PPM1E: variants seen among roughly 807,000 people sequenced by gnomAD.
PPM1E encodes the protein protein phosphatase, Mg2+/Mn2+ dependent 1E.
In PPM1E, 20 loss-of-function variants were observed where a neutral mutation model predicts 65.9. The observed-to-expected ratio is 0.30, with a 90% CI of 0.21 to 0.44. PPM1E has a LOEUF of 0.44. PPM1E is among the 20% of genes least tolerant of loss of function. The probability of loss-of-function intolerance (pLI) is 1.00; values close to 1 mark genes in which losing one functional copy is unlikely to be tolerated. For missense variants in PPM1E, 713 were observed against 953.1 expected (o/e 0.75, Z 3.32); for synonymous variants, 352 against 374.9 (o/e 0.94, Z 0.70).
chr17:58,977,314 G>A (rs1040694983), intron 6 of PPM1E, among the ~76,000 whole-genome samples: 26 of 151,792 alleles, frequency 1.7e-4, no homozygotes, highest in Admixed American at 1.1e-3. Flanking sequence ...ATTGTGGTGC[G>A]TGCCTGTAAT....
Position 58,975,239 on chromosome 17 carries a change from T to C in PPM1E, c.1210+2314T>C, listed in dbSNP as rs1265967712. Among the ~76,000 whole-genome samples the C allele has an allele frequency of 2.6e-5, 4 of 152,380 alleles. No homozygotes were observed. The East Asian group carries it at 7.7e-4, about 29-fold the overall frequency. ...CCTATTTCTCCTGATCTGACCTTTG[T>C]CAGAGGATTGAGGATCATCTTTAAT... is the stretch of plus-strand genomic sequence containing the variant. On this transcript the variant is annotated intron_variant, in intron 6 of 6. Transcript: ENST00000308249.
intron 1 of PPM1E, among the ~76,000 whole-genome samples, chr17:58,910,055 A>C (rs1438035599): frequency 6.7e-6 from 1 of 148,386 alleles, no homozygotes; most frequent in Non-Finnish European, 1.5e-5. Context: ...GGTGCCCGCC[A>C]CCACACCCAG....
intron 1 of PPM1E, among the ~76,000 whole-genome samples, chr17:58,765,788 A>G (rs1386351799): frequency 2.0e-5 from 3 of 151,886 alleles, no homozygotes; most frequent in African/African-American, 7.3e-5. Context: ...CTATAGAAAC[A>G]TTACCATTGT....
At chr17:58,773,741 G>C (rs1399468533) in intron 1 of PPM1E, among the ~76,000 whole-genome samples, 3 of 152,144 alleles carry the variant, frequency 2.0e-5, no homozygotes, top group Non-Finnish European at 4.4e-5. Context: ...TTTCTTAAGT[G>C]TTGAACGTGA....
chr17:58,847,482 T>C (rs1228813760), intron 1 of PPM1E, among the ~76,000 whole-genome samples: 1 of 152,226 alleles, frequency 6.6e-6, no homozygotes. Flanking sequence ...TTCAGCTTTC[T>C]ACATATGGCT....
intron 1 of PPM1E, among the ~76,000 whole-genome samples, chr17:58,945,423 G>A (rs1362500935): frequency 1.3e-5 from 2 of 152,212 alleles, no homozygotes; most frequent in East Asian, 3.9e-4. Context: ...GATTACAGGC[G>A]TGAGCCACCT....
At chr17:58,974,712 A>C (rs2030885587) in intron 6 of PPM1E, among the ~76,000 whole-genome samples, 1 of 152,218 alleles carries the variant, frequency 6.6e-6, no homozygotes, top group Admixed American at 6.5e-5. Context: ...TGGAATTCAC[A>C]TCTAGTCTCA....
chr17:58,845,932 C>T (rs866992175), intron 1 of PPM1E, among the ~76,000 whole-genome samples: 6 of 152,312 alleles, frequency 3.9e-5, no homozygotes, highest in East Asian at 1.9e-4. Flanking sequence ...CTGCCGAACT[C>T]GGCCTCCCAA....
chr17:58,772,098 C>A (rs2049944665), intron 1 of PPM1E, among the ~76,000 whole-genome samples: 1 of 152,138 alleles, frequency 6.6e-6, no homozygotes, highest in South Asian at 2.1e-4. Context: ...AGAATTTGAA[C>A]TCAGGTGTGT....
At chr17:58,975,740 G>A (rs1409353252) in intron 6 of PPM1E, among the ~76,000 whole-genome samples, 1 of 152,174 alleles carries the variant, frequency 6.6e-6, no homozygotes, top group African/African-American at 2.4e-5. Flanking sequence ...TAAGTAGTCT[G>A]GACTTTACCA....
chr17:58,834,873 G>T (rs2050638883), intron 1 of PPM1E, among the ~76,000 whole-genome samples: 1 of 151,216 alleles, frequency 6.6e-6, no homozygotes, highest in African/African-American at 2.4e-5. Context: ...TAGTTCCTTT[G>T]CCTTTCCATA....
intron 1 of PPM1E, among the ~76,000 whole-genome samples, chr17:58,827,201 G>A (rs1486326811): frequency 3.5e-5 from 5 of 143,326 alleles, no homozygotes; most frequent in Admixed American, 1.5e-4. Context: ...GCAATGCCAC[G>A]ATCTTGGTTT....
intron 1 of PPM1E, among the ~76,000 whole-genome samples, chr17:58,793,474 G>A (rs771017669): frequency 7.9e-5 from 12 of 151,948 alleles, no homozygotes; most frequent in Non-Finnish European, 1.6e-4. Flanking sequence ...TCCTGCCTCA[G>A]CCTCCTGAGT....
At chr17:58,762,052 C>T (rs959579575) in intron 1 of PPM1E, among the ~76,000 whole-genome samples, 2 of 152,194 alleles carry the variant, frequency 1.3e-5, no homozygotes, top group African/African-American at 4.8e-5. Context: ...AATTCCACAG[C>T]TTATGGGGGT....
Position 58,907,928 on chromosome 17 carries a change from A to G in PPM1E, c.465-47721A>G, listed in dbSNP as rs534464823. On this transcript the variant is annotated intron_variant, in intron 1 of 6. Transcript: ENST00000308249. ...CATATAGTTGGGTCTTGTTTTTTTA[A>G]TCCATTCTGACAATCATTTAATTTG... 3.3e-5 allele frequency among the ~76,000 whole-genome samples: 5 copies of G among 152,090 alleles called. No individual in the cohort carries two copies. The South Asian group carries it at 1.0e-3, about 32-fold the overall frequency.
rs139961953 is a variant in PPM1E at position 58,955,686 on chromosome 17, G to A, written c.502G>A (p.Ala168Thr). 3.1e-6 allele frequency: 5 copies of A among 1,613,368 alleles called. No individual in the cohort carries two copies. In the African/African-American group the frequency reaches 6.7e-5, roughly 22 times the overall value. The part of the protein sequence containing the change: ...PSFLAAALAR[A>T]TSDEVLQSDL... ...CTTTTTGGCTGCTGCTTTAGCCAGA[G>A]CCACATCAGATGAAGTCCTTCAGAG... The change falls in exon 2 of 7, where the codon GCC becomes ACC. Residue 168 changes from alanine to threonine, a missense_variant. Transcript: ENST00000308249.
intron 1 of PPM1E, among the ~76,000 whole-genome samples, chr17:58,835,331 C>CTCAATA (rs1567848389): frequency 2.6e-5 from 4 of 152,160 alleles, no homozygotes; most frequent in African/African-American, 9.7e-5. Flanking sequence ...GGTGACAGAG[C>CTCAATA]AAGACCCTGT....
intron 1 of PPM1E, among the ~76,000 whole-genome samples, chr17:58,758,231 GT>G (rs796215072): frequency 6.6e-6 from 1 of 151,806 alleles, no homozygotes; most frequent in African/African-American, 2.4e-5. Context: ...GAAGATGTGT[GT>G]TTTTTCATAT....
At chr17:58,770,394 C>T (rs1225341450) in intron 1 of PPM1E, among the ~76,000 whole-genome samples, 1 of 152,014 alleles carries the variant, frequency 6.6e-6, no homozygotes, top group Non-Finnish European at 1.5e-5. Flanking sequence ...GGCATGCTGG[C>T]ATACTCCTTT....
Sources: allele counts gnomAD v4.1 joint callset (sites outside exome capture counted in the v4.1 genomes callset), GRCh38; gene constraint gnomAD v4.1.1; transcripts MANE v1.5; gene names NCBI Gene and HGNC (gene_info 2026-07-23, HGNC 2026-07-21).